Variants in MUC5B observed in about 807,000 individuals in gnomAD.
The protein encoded by MUC5B is mucin-5B.
MUC5B carries 116 observed loss-of-function variants against 376.9 expected under a neutral mutation model. The ratio of observed to expected loss-of-function variants is 0.31; its 90% CI spans 0.26 to 0.36. The LOEUF (loss-of-function observed/expected upper bound fraction) is 0.36. MUC5B is among the 10% of genes least tolerant of loss of function. The pLI is 1.00. For synonymous variants in MUC5B, 3,517 were observed against 3,390.9 expected (o/e 1.04, Z -1.29); for missense variants, 7,165 against 7,769.9 (o/e 0.92, Z 2.93).
In MUC5B at chr11:1,234,477, A is replaced by G. The variant is rs888998030; in HGVS notation, c.2479-52A>G. The G allele has an allele frequency of 3.9e-6, 6 of 1,549,096 alleles. No individual in the cohort carries two copies. In the Admixed American group the frequency reaches 7.7e-5, roughly 20 times the overall value. The stretch of plus-strand genomic sequence containing the variant: ...GCGCCTGTCCCAGAGGGTGAGTGAC[A>G]TCTGCCCACCCTGGTGTCCAGCCCT... On this transcript the variant is annotated intron_variant, in intron 20 of 48. Coordinates refer to ENST00000529681, the MANE Select transcript of MUC5B (RefSeq NM_002458.3). This position sits in a 1 kb window ranked among gnomAD's most constrained non-coding sequence, Gnocchi z 6.3.
At position 1,248,362 on chromosome 11, in the gene MUC5B, C is replaced by G. The variant is rs774774811; in HGVS notation, c.11482C>G (p.Pro3828Ala). The G allele has an allele frequency of 5.0e-6, 8 of 1,612,768 alleles. No individual in the cohort carries two copies. The highest frequency in any genetic ancestry group is 3.3e-5 in the Admixed American group (2 of 59,904). The change falls in exon 31 of 49, where the codon CCA becomes GCA. Residue 3828 changes from proline (P) to alanine (A), a missense_variant. This residue lies in a region of MUC5B where 242 missense variants were observed against 199.0 expected (regional missense o/e 1.22). Transcript: ENST00000529681. ...GTCCACAGCCACACCCTCCTCCACT[C>G]CAGAGACTGCCCACACCTCCACAGT... ...TMSTATPSST[P>A]ETAHTSTVLT... is the part of the protein sequence containing the mutation.
chr11:1,233,160 C>A lies in MUC5B; in HGVS notation c.2213C>A (p.Thr738Asn), dbSNP rs747846001. Residue 738 changes from threonine to asparagine, a missense_variant, in exon 18 of 49, where the codon ACC becomes AAC. By Grantham distance (65) the Thr-to-Asn change is moderately conservative (BLOSUM62 0). Around this residue, in one of 31 missense-constraint regions of MUC5B, gnomAD observed 530 missense variants for 604.0 expected, o/e 0.88. Transcript: ENST00000529681. ...GACGGCTGCACCTGCCCCGCGGGCA[C>A]CTTCCTCAATGACGCGGGCGCCTGT... ...PVDGCTCPAG[T>N]FLNDAGACVP... 241 of 1,606,470 alleles carry A rather than the reference C, an allele frequency of 1.5e-4. No individual in the cohort carries two copies. Among genetic ancestry groups the A allele is most frequent in the Middle Eastern group, 1.5e-3 (9 of 6,080 alleles).
chr11:1,249,359 C>A lies in MUC5B; in HGVS notation c.12479C>A (p.Ala4160Glu), dbSNP rs747728670. ...TTTGACACCTACTCCAACATCCGTG[C>A]GGCCGGAGGGGCCGTCTGTGAGCAG... is the stretch of plus-strand genomic sequence containing the variant. ...GDFDTYSNIRAAGGAVCEQPL... is the reference protein window; with the variant it reads ...GDFDTYSNIREAGGAVCEQPL... The change falls in exon 31 of 49, where the codon GCG (alanine) becomes GAG (glutamate). Residue 4160 changes from alanine (A) to glutamate (E), a missense_variant. Ala to Glu is a moderately radical substitution (Grantham distance 107, BLOSUM62 -1). This residue lies in a region of MUC5B where 47 missense variants were observed against 88.4 expected (regional missense o/e 0.53). Transcript: ENST00000529681. The A allele has an allele frequency of 1.9e-6, 3 of 1,610,760 alleles. No individual in the cohort carries two copies. The highest frequency in any genetic ancestry group is 2.2e-5 in the East Asian group (1 of 44,868).
rs1438420955 is a variant in MUC5B at position 1,247,761 on chromosome 11, G to A, written c.10881G>A (p.Leu3627=). 1 of 1,607,362 alleles carries A rather than the reference G, an allele frequency of 6.2e-7. No individual in the cohort carries two copies. The highest frequency in any genetic ancestry group is 1.7e-5 in the Admixed American group (1 of 59,814). ...CCCAGGCCCAGCCTGGTGTCCCCCTGCGGGAGTTGGGCCAGGTCGTGGAAT... is the reference window on the plus strand; with the variant it reads ...CCCAGGCCCAGCCTGGTGTCCCCCTACGGGAGTTGGGCCAGGTCGTGGAAT... ...CRAQAQPGVP[L]RELGQVVECS... The change falls in exon 31 of 49, where the codon CTG becomes CTA. Residue 3627 remains leucine (L), a synonymous_variant. Coordinates refer to ENST00000529681, the MANE Select transcript of MUC5B (RefSeq NM_002458.3).
chr11:1,231,390 C>T (rs1365543925), intron 13 of MUC5B, 33 bp from the exon 14 acceptor site: 5 of 1,589,624 alleles, frequency 3.1e-6, no homozygotes, highest in Non-Finnish European at 4.3e-6. Flanking sequence ...GTCCCTGCAC[C>T]CCTGACCGGC....
In MUC5B at chr11:1,227,668, C is replaced by T. The variant is rs551572926; in HGVS notation, c.668-7C>T. 35 of 718,598 alleles carry T rather than the reference C, an allele frequency of 4.9e-5. No individual in the cohort carries two copies. Among genetic ancestry groups the T allele is most frequent in the South Asian group, 4.4e-4 (30 of 67,636 alleles). 44.5% of individuals were successfully genotyped at this position (718,598 alleles called of 1,614,324 possible). A position where few individuals can be genotyped will look rare whatever the true frequency, so the allele number is the denominator to read the frequency against. On this transcript the variant is annotated splice_region_variant and splice_polypyrimidine_tract_variant and intron_variant, in intron 6 of 48. Coordinates refer to ENST00000529681, the MANE Select transcript of MUC5B (RefSeq NM_002458.3). ...GAGCCACCACACCCCTGCTTTCTTC[C>T]CGGCAGACGCCAGGCTGACCCCGCT...
At position 1,252,520 on chromosome 11, in the gene MUC5B, G is replaced by T; in HGVS notation, c.15041G>T (p.Arg5014Leu). 2 of 1,545,274 alleles carry T rather than the reference G, an allele frequency of 1.3e-6. No individual in the cohort carries two copies. The highest frequency in any genetic ancestry group is 1.7e-6 in the Non-Finnish European group (2 of 1,145,104). The change falls in exon 32 of 49, where the codon CGG (arginine) becomes CTG (leucine). Residue 5014 changes from arginine (R) to leucine (L), a missense_variant. Arg to Leu is a moderately radical substitution (Grantham distance 102). Transcript: ENST00000529681. ...GGCTGTGACAATGCCATCCCTCTCC[G>T]GCAGGTGGGCCCCGCCTGCCCTCCA... The part of the protein sequence containing the change: ...APGCDNAIPL[R>L]QVNETWTLEN...
Position 1,257,285 on chromosome 11 carries a change from C to A in MUC5B, c.16269+14C>A, listed in dbSNP as rs779571340. On this transcript the variant is annotated intron_variant, in intron 40 of 48. Coordinates refer to ENST00000529681, the MANE Select transcript of MUC5B (RefSeq NM_002458.3). This position sits in a 1 kb window ranked among gnomAD's most constrained non-coding sequence, Gnocchi z 8.9. ...TTTCCTAAATTTGTGAGTGGCTCCA[C>A]CCCCACCTGCCCTACCCCACCCTCT... 3 of 781,440 alleles carry A rather than the reference C, an allele frequency of 3.8e-6. No individual in the cohort carries two copies. The highest frequency in any genetic ancestry group is 2.7e-5 in the South Asian group (2 of 74,630). 48.4% of individuals were successfully genotyped at this position (781,440 alleles called of 1,614,324 possible). A position where few individuals can be genotyped will look rare whatever the true frequency, so the allele number is the denominator to read the frequency against.
At chr11:1,225,025 G>A (rs907086702) in intron 1 of MUC5B, among the ~76,000 whole-genome samples, 2 of 152,208 alleles carry the variant, frequency 1.3e-5, no homozygotes, top group Non-Finnish European at 2.9e-5. Context: ...CCTCCATGGG[G>A]TTGGTGGGTG....
intron 14 of MUC5B, 58 bp downstream of exon 14, chr11:1,231,618 C>T (rs908049754): frequency 7.2e-5 from 109 of 1,504,408 alleles, no homozygotes; most frequent in East Asian, 2.2e-4. Flanking sequence ...CCTGGACTAG[C>T]GCCAGGCTGC....
In MUC5B at chr11:1,223,171, C is replaced by T. The variant is rs1319175245; in HGVS notation, c.48C>T (p.Ala16=). 1 of 710,886 alleles carries T rather than the reference C, an allele frequency of 1.4e-6. No individual in the cohort carries two copies. The highest frequency in any genetic ancestry group is 2.6e-6 in the Non-Finnish European group (1 of 384,688). The allele number at this position is 710,886 out of a possible 1,614,324, so 44.0% of individuals were successfully genotyped here. ...GGACGCTGGTGTTGGCTCTGGCGGC[C>T]ATGCTCGTGGTGCCGCAGGCAGGTA... ...ACRTLVLALA[A]MLVVPQAETQ... is the part of the protein sequence containing the mutation. Residue 16 remains alanine (A), a synonymous_variant, in exon 1 of 49, where the codon GCC becomes GCT. Transcript: ENST00000529681.
intron 11 of MUC5B, 144 bp from the exon 12 acceptor site, chr11:1,230,346 C>A: frequency 1.8e-6 from 2 of 1,088,894 alleles, no homozygotes; most frequent in African/African-American, 1.6e-5. Flanking sequence ...GGCCCTGAGA[C>A]AAGCTGCTGG....
At chr11:1,231,358 C>A in intron 13 of MUC5B, 65 bp from the exon 14 acceptor site, 1 of 1,522,056 alleles carries the variant, frequency 6.6e-7, no homozygotes, top group South Asian at 1.3e-5. Flanking sequence ...GGATGCCCTG[C>A]CCCTCCAATC....
In MUC5B at chr11:1,247,704, C is replaced by G; in HGVS notation, c.10824C>G (p.Val3608=). Residue 3608 remains valine, a synonymous_variant, in exon 31 of 49, where the codon GTC becomes GTG. Transcript: ENST00000529681. ...ACATCCGTGCGGCCGGAGGGGCAGT[C>G]TGTGAGCAGCCCCTGGGCCTCGAGT... The part of the protein sequence containing the change: ...YSNIRAAGGA[V]CEQPLGLECR... The G allele has an allele frequency of 6.3e-7, 1 of 1,583,952 alleles. No homozygotes were observed. Among genetic ancestry groups the G allele is most frequent in the Non-Finnish European group, 8.6e-7 (1 of 1,159,638 alleles).
At position 1,257,435 on chromosome 11, in the gene MUC5B, G is replaced by A; in HGVS notation, c.16270-95G>A. On this transcript the variant is annotated intron_variant, in intron 40 of 48. Transcript: ENST00000529681. The surrounding 1 kb of genome is among the most constrained non-coding windows in gnomAD (Gnocchi z 8.9). ...CCTGCCCCATCACTCTGGGCCACTC[G>A]GGTACCAGCCCGAGGGAGGGGGTGG... The A allele has an allele frequency of 1.4e-6, 2 of 1,467,834 alleles. No homozygotes were observed. Among genetic ancestry groups the A allele is most frequent in the South Asian group, 1.2e-5 (1 of 82,056 alleles). The allele number at this position is 1,467,834 out of a possible 1,614,324, so 90.9% of individuals were successfully genotyped here. A position where few individuals can be genotyped will look rare whatever the true frequency, so the allele number is the denominator to read the frequency against.
In MUC5B at chr11:1,230,035, G is replaced by A. The variant is rs1861986809; in HGVS notation, c.1251G>A (p.Gln417=). The A allele has an allele frequency of 3.1e-6, 5 of 1,607,730 alleles. No individual in the cohort carries two copies. The highest frequency in any genetic ancestry group is 1.1e-5 in the South Asian group (1 of 90,552). ...GCTCCGGGGGGCTATGGCAGTGCCA[G>A]GACCTGCCGTGCCCTGGCACCTGCT... ...CTCSGGLWQC[Q]DLPCPGTCSV... is the part of the protein sequence containing the mutation. Residue 417 remains glutamine, a synonymous_variant, in exon 11 of 49, where the codon CAG becomes CAA. Transcript: ENST00000529681.
rs988797297 is a variant in MUC5B, at chr11:1,253,165, T to C, written c.15217+185T>C. 6.9e-6 allele frequency: 5 copies of C among 729,646 alleles called. No homozygotes were observed. Among genetic ancestry groups the C allele is most frequent in the African/African-American group, 5.2e-5 (3 of 57,468 alleles). The allele number at this position is 729,646 out of a possible 1,614,324, so 45.2% of individuals were successfully genotyped here. ...GCATGGTGGGGTGTGGTGGTGGTGT[T>C]TGGGAGATCGCTGGCATCCCTTCAG... On this transcript the variant is annotated intron_variant, in intron 33 of 48. Coordinates refer to ENST00000529681, the MANE Select transcript of MUC5B (RefSeq NM_002458.3). This position sits in a 1 kb window ranked among gnomAD's most constrained non-coding sequence, Gnocchi z 4.3.
chr11:1,254,072 C>G lies in MUC5B; in HGVS notation c.15218-20C>G, dbSNP rs770809816. 2 of 1,604,052 alleles carry G rather than the reference C, an allele frequency of 1.2e-6. No homozygotes were observed. The highest frequency in any genetic ancestry group is 2.2e-5 in the East Asian group (1 of 44,674). On this transcript the variant is annotated intron_variant, in intron 33 of 48. Transcript: ENST00000529681. ...GGCACCACCACGGAGCCTGCCAGCC[C>G]GTCCATCTCTGTCCCGCAGGCATCT...
At position 1,249,098 on chromosome 11, in the gene MUC5B, G is replaced by C; in HGVS notation, c.12218G>C (p.Ser4073Thr). The change falls in exon 31 of 49, where the codon AGC (serine) becomes ACC (threonine). Residue 4073 changes from serine (S) to threonine (T), a missense_variant. Ser to Thr is a moderately conservative substitution (Grantham distance 58, BLOSUM62 1). Around this residue, in one of 31 missense-constraint regions of MUC5B, gnomAD observed 85 missense variants for 78.2 expected, o/e 1.09. Coordinates refer to ENST00000529681, the MANE Select transcript of MUC5B (RefSeq NM_002458.3). The part of the protein sequence containing the change: ...TPALSSPHPS[S>T]RTTESPPSPG... ...GCCCTGTCCAGCCCTCACCCTAGCA[G>C]CAGGACCACCGAGTCACCCCCTTCC... is the stretch of plus-strand genomic sequence containing the variant. 3 of 1,610,060 alleles carry C rather than the reference G, an allele frequency of 1.9e-6. No homozygotes were observed. Among genetic ancestry groups the C allele is most frequent in the Non-Finnish European group, 2.5e-6 (3 of 1,179,296 alleles).
Sources: allele counts gnomAD v4.1 joint callset (sites outside exome capture counted in the v4.1 genomes callset), GRCh38; gene constraint gnomAD v4.1.1; regional missense constraint gnomAD v4.1.1; non-coding constraint Gnocchi (gnomAD v3.1); transcripts MANE v1.5; gene names NCBI Gene and HGNC (gene_info 2026-07-23, HGNC 2026-07-21).